SESN3: variants seen among roughly 807,000 people sequenced by gnomAD.
SESN3 encodes sestrin 3, also known as sestrin-3.
In SESN3, 21 loss-of-function variants were observed where a neutral mutation model predicts 55.3. The observed-to-expected ratio is 0.38, with a 90% CI of 0.27 to 0.55. The LOEUF (loss-of-function observed/expected upper bound fraction) is 0.55, where lower values mean the gene tolerates loss of function less well. SESN3 is among the 20% of genes least tolerant of loss of function. SESN3 has a pLI of 0.76. For synonymous variants in SESN3, 181 were observed against 203.1 expected (o/e 0.89, Z 0.93); for missense variants, 408 against 604.3 (o/e 0.68, Z 3.41).
rs150664483 is a variant in SESN3, at chr11:95,172,234, C to T, written c.*1021G>A. The stretch of plus-strand genomic sequence containing the variant: ...ACCTTTGAAAAATAAACTGTCTAAC[C>T]TATTATAAGAACAAAAGTCATGGAA... On this transcript the variant is annotated 3_prime_UTR_variant, in exon 10 of 10. Transcript: ENST00000536441. 6.6e-6 allele frequency: 1 copy of T among 152,082 alleles called. No individual in the cohort carries two copies. The highest frequency in any genetic ancestry group is 1.9e-4 in the East Asian group (1 of 5,182). The allele number at this position is 152,082 out of a possible 1,614,324, so 9.4% of individuals were successfully genotyped here.
rs557682200 is a variant in SESN3, at chr11:95,201,261, G to A, written c.79-7739C>T. ...CCTAGTGAGTACTCTGGAAATGGCA[G>A]CCATGAGTACTGCTATTATTAGTGG... On this transcript the variant is annotated intron_variant, in intron 1 of 9. Coordinates refer to ENST00000536441, the MANE Select transcript of SESN3 (RefSeq NM_144665.4). 13 of 152,156 alleles carry A rather than the reference G, an allele frequency of 8.5e-5. No individual in the cohort carries two copies. The East Asian group carries it at 2.5e-3, about 29-fold the overall frequency. The allele number at this position is 152,156 out of a possible 1,614,324, so 9.4% of individuals were successfully genotyped here. A position where few individuals can be genotyped will look rare whatever the true frequency, so the allele number is the denominator to read the frequency against.
intron 1 of SESN3, among the ~76,000 whole-genome samples, chr11:95,210,576 A>G (rs962392743): frequency 1.3e-5 from 2 of 152,216 alleles, no homozygotes; most frequent in African/African-American, 4.8e-5. Context: ...ATCCTAATAC[A>G]CAAAATTCAC....
chr11:95,210,231 G>A (rs975088470), intron 1 of SESN3, among the ~76,000 whole-genome samples: 1 of 152,056 alleles, frequency 6.6e-6, no homozygotes, highest in African/African-American at 2.4e-5. Flanking sequence ...TTAGGGGAGG[G>A]ATAGCATTAG....
chr11:95,198,335 T>C (rs1160757045), intron 1 of SESN3, among the ~76,000 whole-genome samples: 3 of 145,712 alleles, frequency 2.1e-5, no homozygotes, highest in East Asian at 2.0e-4. Context: ...CTGCTTATTT[T>C]CCTCAATGTC....
intron 1 of SESN3, among the ~76,000 whole-genome samples, chr11:95,207,868 T>TGA (rs1860579700): frequency 6.6e-6 from 1 of 151,236 alleles, no homozygotes; most frequent in Non-Finnish European, 1.5e-5. Flanking sequence ...GAGACTGGGT[T>TGA]TCATCATGTT....
intron 1 of SESN3, among the ~76,000 whole-genome samples, chr11:95,215,262 G>C (rs1307535095): frequency 9.0e-6 from 1 of 111,124 alleles, no homozygotes; most frequent in South Asian, 3.6e-4. Context: ...GTCTAGGGGT[G>C]GGGGGTGGGG....
chr11:95,191,911 C>T (rs1299291694), intron 2 of SESN3, among the ~76,000 whole-genome samples: 1 of 152,072 alleles, frequency 6.6e-6, no homozygotes, highest in Non-Finnish European at 1.5e-5. Flanking sequence ...GGTCCATTTG[C>T]CTGGCCATTG....
Position 95,191,615 on chromosome 11 carries a change from A to C in SESN3, c.145-14T>G, listed in dbSNP as rs753712380. ...TGCTTGGACAACCTTATAACCAAAA[A>C]AAACAAAACAAAATGACTATTGAGA... On this transcript the variant is annotated splice_polypyrimidine_tract_variant and intron_variant, in intron 2 of 9. Transcript: ENST00000536441. 7.5e-6 allele frequency: 12 copies of C among 1,605,342 alleles called. No individual in the cohort carries two copies. The highest frequency in any genetic ancestry group is 1.7e-4 in the Middle Eastern group (1 of 6,044).
intron 1 of SESN3, among the ~76,000 whole-genome samples, chr11:95,212,679 A>C (rs187177573): frequency 1.0e-3 from 157 of 152,314 alleles, no homozygotes; most frequent in African/African-American, 3.4e-3. Context: ...TCAGATTCCT[A>C]AAGAGAATGA....
In SESN3 at chr11:95,230,731, C is replaced by G; in HGVS notation, c.78+52G>C. 6.9e-7 allele frequency: 1 copy of G among 1,446,604 alleles called. No homozygotes were observed. The highest frequency in any genetic ancestry group is 9.6e-7 in the Non-Finnish European group (1 of 1,043,060). 89.6% of individuals were successfully genotyped at this position (1,446,604 alleles called of 1,614,324 possible). On this transcript the variant is annotated intron_variant, in intron 1 of 9. Coordinates refer to ENST00000536441, the MANE Select transcript of SESN3 (RefSeq NM_144665.4). This position sits in a 1 kb window ranked among gnomAD's most constrained non-coding sequence, Gnocchi z 4.6. ...CGCCCGGGGACGAGCCGCCCGAGCC[C>G]CGGCCGGCAGGAAGCGACCCTCGCC... is the stretch of plus-strand genomic sequence containing the variant.
At chr11:95,194,702 A>G (rs1860329329) in intron 1 of SESN3, among the ~76,000 whole-genome samples, 1 of 152,162 alleles carries the variant, frequency 6.6e-6, no homozygotes, top group South Asian at 2.1e-4. Context: ...TGAAGTCAGG[A>G]TTCCAATATT....
At chr11:95,216,648 C>A (rs1860762746) in intron 1 of SESN3, among the ~76,000 whole-genome samples, 1 of 151,790 alleles carries the variant, frequency 6.6e-6, no homozygotes, top group Non-Finnish European at 1.5e-5. Flanking sequence ...TTCCATTTTC[C>A]ACTGTGACAA....
At chr11:95,174,615 C>T (rs1243350380) in intron 9 of SESN3, among the ~76,000 whole-genome samples, 1 of 152,062 alleles carries the variant, frequency 6.6e-6, no homozygotes, top group Non-Finnish European at 1.5e-5. Context: ...TCCCAAGTAG[C>T]TGGGACAACA....
intron 3 of SESN3, 92 bp downstream of exon 3, chr11:95,191,312 T>G: frequency 1.0e-6 from 1 of 953,920 alleles, no homozygotes; most frequent in East Asian, 2.4e-5. Context: ...TATACTTAGC[T>G]CTATACACAC....
In SESN3 at chr11:95,177,855, T is replaced by A; in HGVS notation, c.1111A>T (p.Ile371Phe). ...AACTTTTCATCAAGAAGATGTCCAATGTCAGAATAAAGTCTGTTCACCAGG... is the reference window on the plus strand; with the variant it reads ...AACTTTTCATCAAGAAGATGTCCAAAGTCAGAATAAAGTCTGTTCACCAGG... ...FSLVNRLYSD[I>F]GHLLDEKFRM... Residue 371 changes from isoleucine to phenylalanine, a missense_variant, in exon 8 of 10, where the codon ATT becomes TTT. Ile to Phe is a conservative substitution (Grantham distance 21). Transcript: ENST00000536441. 6.2e-7 allele frequency: 1 copy of A among 1,606,338 alleles called. No individual in the cohort carries two copies. The highest frequency in any genetic ancestry group is 8.5e-7 in the Non-Finnish European group (1 of 1,177,588).
chr11:95,203,444 A>G (rs1463970501), intron 1 of SESN3, among the ~76,000 whole-genome samples: 3 of 152,176 alleles, frequency 2.0e-5, no homozygotes, highest in Non-Finnish European at 4.4e-5. Flanking sequence ...GTGTAAATTC[A>G]AGTATATTTG....
At chr11:95,215,009 A>C (rs1452204689) in intron 1 of SESN3, among the ~76,000 whole-genome samples, 1 of 152,186 alleles carries the variant, frequency 6.6e-6, no homozygotes, top group African/African-American at 2.4e-5. Context: ...TCAAATCTGC[A>C]TTTTGTAAAA....
At chr11:95,177,184 G>A (rs1472523365) in intron 8 of SESN3, among the ~76,000 whole-genome samples, 1 of 152,002 alleles carries the variant, frequency 6.6e-6, no homozygotes, top group Non-Finnish European at 1.5e-5. Context: ...TGTACTTACT[G>A]TCCTCTCAAT....
intron 1 of SESN3, among the ~76,000 whole-genome samples, chr11:95,226,189 G>A (rs1461304648): frequency 6.6e-6 from 1 of 152,118 alleles, no homozygotes; most frequent in Non-Finnish European, 1.5e-5. Flanking sequence ...AACATAGTCT[G>A]GGAAAATGGA....
Sources: gnomAD v4.1 joint callset for allele counts (sites outside exome capture counted in the v4.1 genomes callset) on GRCh38, gnomAD v4.1.1 for gene constraint, Gnocchi (gnomAD v3.1) non-coding constraint, MANE v1.5 for transcripts, NCBI Gene and HGNC (gene_info 2026-07-23, HGNC 2026-07-21) for gene names.